Variants in NYAP2 observed in about 807,000 individuals in gnomAD.
NYAP2 encodes the protein neuronal tyrosine-phosphorylated phosphoinositide-3-kinase adaptor 2, also known as neuronal tyrosine-phosphorylated phosphoinositide-3-kinase adapter 2.
NYAP2 carries 23 observed loss-of-function variants against 50.4 expected under a neutral mutation model. That is an observed-to-expected ratio of 0.46 (90% CI 0.33 to 0.65). The LOEUF is 0.65. NYAP2 is among the 30% of genes least tolerant of loss of function. NYAP2 has a pLI of 0.02. For synonymous variants in NYAP2, 394 were observed against 365.2 expected, an observed-to-expected ratio of 1.08 and a Z score of -0.90; for missense variants, 885 against 861.0, an observed-to-expected ratio of 1.03 and a Z score of -0.35.
chr2:225,410,756 T>G (rs1226138850), intron 3 of NYAP2, among the ~76,000 whole-genome samples: 1 of 152,150 alleles, frequency 6.6e-6, no homozygotes, highest in Non-Finnish European at 1.5e-5. Flanking sequence ...AGATTCATAG[T>G]TGTTAAGACA....
intron 4 of NYAP2, among the ~76,000 whole-genome samples, chr2:225,540,592 A>C (rs1691445289): frequency 1.3e-5 from 2 of 152,206 alleles, no homozygotes; most frequent in Admixed American, 1.3e-4. Context: ...TTGGAAATTC[A>C]AGATGAGATT....
the NYAP2 span, among the ~76,000 whole-genome samples, chr2:225,684,940 A>G: frequency 6.6e-6 from 1 of 152,164 alleles, no homozygotes; most frequent in Non-Finnish European, 1.5e-5. Context: ...TGAGGCCAAG[A>G]TAAGTGACAT....
intron 5 of NYAP2, among the ~76,000 whole-genome samples, chr2:225,597,579 G>A (rs1443585178): frequency 7.9e-6 from 1 of 126,132 alleles, no homozygotes; most frequent in Admixed American, 9.7e-5. Context: ...ATTTGGGCCG[G>A]TTCCATATTT....
chr2:225,638,249 G>C (rs1458346529), intron 6 of NYAP2, among the ~76,000 whole-genome samples: 1 of 151,258 alleles, frequency 6.6e-6, no homozygotes, highest in Admixed American at 6.6e-5. Context: ...AGAGATGAGT[G>C]TCCATCCAAT....
intron 4 of NYAP2, among the ~76,000 whole-genome samples, chr2:225,536,409 C>T: frequency 6.6e-6 from 1 of 152,188 alleles, no homozygotes; most frequent in East Asian, 1.9e-4. Flanking sequence ...GGAAATTCTT[C>T]CCATCCTTCA....
chr2:225,495,048 T>G lies in NYAP2; in HGVS notation c.222-18323T>G, dbSNP rs185038751. 1.7e-3 allele frequency among the ~76,000 whole-genome samples: 252 copies of G among 152,336 alleles called. 3 individuals carry two copies. In the Middle Eastern group the frequency reaches 0.02, roughly 12 times the overall value. On this transcript the variant is annotated intron_variant, in intron 3 of 6. Coordinates refer to ENST00000636099, the Ensembl canonical transcript of NYAP2. ...TGAATTAATTAGTGCTCACATAACTTTATGCATAAAGTTTACATGTGTGCT... is the reference window on the plus strand; with the variant it reads ...TGAATTAATTAGTGCTCACATAACTGTATGCATAAAGTTTACATGTGTGCT...
chr2:225,470,644 G>C (rs1689998080), intron 3 of NYAP2, among the ~76,000 whole-genome samples: 1 of 152,174 alleles, frequency 6.6e-6, no homozygotes, highest in Admixed American at 6.5e-5. Context: ...TATACGTGCT[G>C]TCTTACAGTG....
At chr2:225,573,250 CTTTTTTT>C (rs59186607) in intron 4 of NYAP2, among the ~76,000 whole-genome samples, 1 of 126,732 alleles carries the variant, frequency 7.9e-6, no homozygotes, top group African/African-American at 3.0e-5. Context: ...ATTATTATTT[CTTTTTTT>C]TTTTTTTTTT....
chr2:225,651,787 GGTTTCCA>G (rs1693736850), exon 7 of NYAP2: 2 of 527,020 alleles, frequency 3.8e-6, no homozygotes, highest in South Asian at 5.1e-5. Flanking sequence ...TTTTGTCTCT[GGTTTCCA>G]TCATTCTGTA....
the NYAP2 span, among the ~76,000 whole-genome samples, chr2:225,689,077 T>G: frequency 1.3e-5 from 2 of 152,162 alleles, no homozygotes; most frequent in African/African-American, 2.4e-5. Context: ...ATACATATTT[T>G]AAAAGGGATG....
chr2:225,468,068 T>C (rs1490270191), intron 3 of NYAP2, among the ~76,000 whole-genome samples: 1 of 152,182 alleles, frequency 6.6e-6, no homozygotes, highest in Non-Finnish European at 1.5e-5. Flanking sequence ...TAATCACTTT[T>C]AGGGAAATGT....
At chr2:225,531,310 A>G (rs1489287175) in intron 4 of NYAP2, among the ~76,000 whole-genome samples, 1 of 152,106 alleles carries the variant, frequency 6.6e-6, no homozygotes, top group Non-Finnish European at 1.5e-5. Context: ...TTCTTTTCCA[A>G]GTTATTCTCT....
intron 3 of NYAP2, among the ~76,000 whole-genome samples, chr2:225,476,305 C>T (rs552550358): frequency 1.8e-4 from 27 of 151,286 alleles, no homozygotes; most frequent in African/African-American, 5.3e-4. Context: ...CCCAGCTACT[C>T]GGGAGGCTGA....
chr2:225,506,869 A>G (rs1001704062), intron 3 of NYAP2, among the ~76,000 whole-genome samples: 5 of 151,978 alleles, frequency 3.3e-5, no homozygotes, highest in African/African-American at 1.2e-4. Context: ...CATTTAATGT[A>G]TGGTTGAATG....
At chr2:225,677,119 T>G in the NYAP2 span, among the ~76,000 whole-genome samples, 1 of 152,144 alleles carries the variant, frequency 6.6e-6, no homozygotes, top group South Asian at 2.1e-4. Flanking sequence ...CTTGTAGAGA[T>G]CTTTCACCTT....
rs1690875596 is a variant in NYAP2, at chr2:225,513,673, G to A, written c.523+1G>A. On this transcript the variant is annotated splice_donor_variant, in intron 4 of 6. Coordinates refer to ENST00000636099, the Ensembl canonical transcript of NYAP2. LOFTEE classifies it high-confidence loss of function. ...GGGAAAACCCCTGAGAGGACTGAAG[G>A]TAAAACACGCCATGTCCATGTCACC... is the stretch of plus-strand genomic sequence containing the variant. 6.7e-7 allele frequency: 1 copy of A among 1,498,594 alleles called. No individual in the cohort carries two copies. The highest frequency in any genetic ancestry group is 8.9e-7 in the Non-Finnish European group (1 of 1,124,372). 92.8% of individuals were successfully genotyped at this position (1,498,594 alleles called of 1,614,324 possible). A position where few individuals can be genotyped will look rare whatever the true frequency, so the allele number is the denominator to read the frequency against.
the NYAP2 span, among the ~76,000 whole-genome samples, chr2:225,685,201 CT>C: frequency 6.6e-6 from 1 of 152,116 alleles, no homozygotes; most frequent in Non-Finnish European, 1.5e-5. Context: ...TATGAGCTTC[CT>C]TTTCTTTTGC....
At position 225,519,219 on chromosome 2, in the gene NYAP2, T is replaced by A. The variant is rs1691000722; in HGVS notation, c.523+5547T>A. Among the ~76,000 whole-genome samples, 4 of 151,912 alleles carry A rather than the reference T, an allele frequency of 2.6e-5. No homozygotes were observed. In the South Asian group the frequency reaches 8.3e-4, roughly 31 times the overall value. ...GGCATAATCTTTTAATAATATGATA[T>A]TAACATAGTATTTAGTATAAAGAAT... is the stretch of plus-strand genomic sequence containing the variant. On this transcript the variant is annotated intron_variant, in intron 4 of 6. Coordinates refer to ENST00000636099, the Ensembl canonical transcript of NYAP2.
At chr2:225,445,068 T>G (rs183120612) in intron 3 of NYAP2, among the ~76,000 whole-genome samples, 140 of 152,214 alleles carry the variant, frequency 9.2e-4, no homozygotes, top group Non-Finnish European at 1.8e-4. Flanking sequence ...TGCTGTAGTT[T>G]GGAAAAAATA....
Sources: gnomAD v4.1 joint callset for allele counts (sites outside exome capture counted in the v4.1 genomes callset) on GRCh38, gnomAD v4.1.1 for gene constraint, MANE v1.5 for transcripts, NCBI Gene and HGNC (gene_info 2026-07-23, HGNC 2026-07-21) for gene names.